Variants in ANKRD28 observed in about 807,000 individuals in gnomAD.
The protein encoded by ANKRD28 is serine/threonine-protein phosphatase 6 regulatory ankyrin repeat subunit A.
A neutral mutation model predicts 126.5 loss-of-function variants in ANKRD28; 44 were observed. The ratio of observed to expected loss-of-function variants is 0.35; its 90% confidence interval spans 0.27 to 0.45. The LOEUF is 0.45. Among genes scored for constraint, ANKRD28 ranks in the 20% least tolerant of loss-of-function variants. The pLI, the probability that ANKRD28 is intolerant of heterozygous loss-of-function variation, is 1.00. For synonymous variants in ANKRD28, 442 were observed against 468.5 expected (o/e 0.94, Z 0.73); for missense variants, 1,110 against 1,316.6 (o/e 0.84, Z 2.43).
chr3:15,680,309 AT>A (rs769669964), intron 21 of ANKRD28, among the ~76,000 whole-genome samples: 3 of 151,894 alleles, frequency 2.0e-5, no homozygotes, highest in Non-Finnish European at 4.4e-5. Context: ...GGTTCAAGTG[AT>A]TCTCCTGTCT....
chr3:15,834,080 T>A (rs1446855043), intron 1 of ANKRD28, among the ~76,000 whole-genome samples: 4 of 152,188 alleles, frequency 2.6e-5, no homozygotes, highest in East Asian at 1.9e-4. Flanking sequence ...AAAGCTTTTT[T>A]AAAATTGTCT....
At chr3:15,813,047 CTTT>C (rs34610698) in intron 1 of ANKRD28, among the ~76,000 whole-genome samples, 16 of 137,480 alleles carry the variant, frequency 1.2e-4, no homozygotes, top group African/African-American at 2.4e-4. Flanking sequence ...TAATCACCTC[CTTT>C]TTTTTTTTTT....
At chr3:15,824,625 G>A (rs1053140289) in intron 1 of ANKRD28, among the ~76,000 whole-genome samples, 1 of 152,164 alleles carries the variant, frequency 6.6e-6, no homozygotes, top group African/African-American at 2.4e-5. Context: ...ATAAAACTTA[G>A]GAAAAAATTA....
In ANKRD28 at chr3:15,739,250, G is replaced by A. The variant is rs533152407; in HGVS notation, c.352-2017C>T. On this transcript the variant is annotated intron_variant, in intron 4 of 27. Coordinates refer to ENST00000683139, the MANE Select transcript of ANKRD28 (RefSeq NM_001349278.2). Reference sequence around the variant, plus strand: ...TAGGAAATCACAAGAATAATGACTGGGGAAGTGATGTGTCCATGAAATCTT... The same window carrying A: ...TAGGAAATCACAAGAATAATGACTGAGGAAGTGATGTGTCCATGAAATCTT... 2.6e-5 allele frequency among the ~76,000 whole-genome samples: 4 copies of A among 152,284 alleles called. No homozygotes were observed. In the South Asian group the frequency reaches 8.3e-4, roughly 32 times the overall value.
chr3:15,831,717 A>G (rs1459371913), intron 1 of ANKRD28, among the ~76,000 whole-genome samples: 2 of 152,202 alleles, frequency 1.3e-5, no homozygotes, highest in African/African-American at 4.8e-5. Flanking sequence ...TAATTATTTG[A>G]TGATGGAAAG....
chr3:15,709,750 A>G lies in ANKRD28; in HGVS notation c.1338-14T>C. The G allele has an allele frequency of 6.5e-7, 1 of 1,530,766 alleles. No individual in the cohort carries two copies. The highest frequency in any genetic ancestry group is 1.2e-5 in the South Asian group (1 of 80,686). The allele number at this position is 1,530,766 out of a possible 1,614,324, so 94.8% of individuals were successfully genotyped here. On this transcript the variant is annotated splice_polypyrimidine_tract_variant and intron_variant, in intron 12 of 27. Transcript: ENST00000683139. ...CACTCCAAATTCCTATTGAGAGAAA[A>G]TACAGTTAGAAAACTTAATTGACAG...
Position 15,690,097 on chromosome 3 carries a change from C to T in ANKRD28, c.1885G>A (p.Val629Met). 1.2e-6 allele frequency: 2 copies of T among 1,612,280 alleles called. No homozygotes were observed. The highest frequency in any genetic ancestry group is 8.5e-7 in the Non-Finnish European group (1 of 1,179,128). Residue 629 changes from valine to methionine, a missense_variant, in exon 18 of 28, where the codon GTG (valine) becomes ATG (methionine). By Grantham distance (21) the Val-to-Met change is conservative (BLOSUM62 1). Coordinates refer to ENST00000683139, the MANE Select transcript of ANKRD28 (RefSeq NM_001349278.2). Reference protein sequence around the residue: ...LAAFKGHVECVDVLINQGASI... With the variant: ...LAAFKGHVECMDVLINQGASI... ...GCTCCCTGATTAATGAGTACATCCACACATTCAACATGGCCCTTAAAAGCT... is the reference window on the plus strand; with the variant it reads ...GCTCCCTGATTAATGAGTACATCCATACATTCAACATGGCCCTTAAAAGCT...
intron 1 of ANKRD28, among the ~76,000 whole-genome samples, chr3:15,841,788 G>A (rs960899751): frequency 6.6e-6 from 1 of 152,142 alleles, no homozygotes; most frequent in Non-Finnish European, 1.5e-5. Flanking sequence ...AAGTGCTGGA[G>A]AGGATGTGGA....
Position 15,815,352 on chromosome 3 carries a change from G to A in ANKRD28, c.28-20046C>T, listed in dbSNP as rs1206701682. 2.6e-5 allele frequency among the ~76,000 whole-genome samples: 4 copies of A among 152,146 alleles called. No homozygotes were observed. The highest frequency in any genetic ancestry group is 9.7e-5 in the African/African-American group (4 of 41,420). On this transcript the variant is annotated intron_variant, in intron 1 of 27. Transcript: ENST00000399451. This position sits in a 1 kb window ranked among gnomAD's most constrained non-coding sequence, Gnocchi z 4.1. ...GACAAAATTTTGCCCTGTCACCCAG[G>A]TTGGAGTACAGTGGCCCAAATGTAG...
At chr3:15,711,720 TCTGTCTCCTAGG>T (rs1287702484) in intron 11 of ANKRD28, among the ~76,000 whole-genome samples, 1 of 151,890 alleles carries the variant, frequency 6.6e-6, no homozygotes, top group African/African-American at 2.4e-5. Flanking sequence ...AGAGTCTCGC[TCTGTCTCCTAGG>T]CTAGTGTGCA....
chr3:15,834,464 T>C (rs2061278369), intron 1 of ANKRD28, among the ~76,000 whole-genome samples: 1 of 152,190 alleles, frequency 6.6e-6, no homozygotes, highest in African/African-American at 2.4e-5. Context: ...TCTTGCAGTA[T>C]ATTTTGAAGT....
At chr3:15,717,636 T>C (rs902932813) in intron 8 of ANKRD28, among the ~76,000 whole-genome samples, 11 of 152,104 alleles carry the variant, frequency 7.2e-5, no homozygotes, top group African/African-American at 2.7e-4. Flanking sequence ...CTTCACAGTA[T>C]TTTTTTAGGT....
chr3:15,736,047 G>A (rs1351819968), intron 5 of ANKRD28, among the ~76,000 whole-genome samples: 3 of 152,182 alleles, frequency 2.0e-5, no homozygotes, highest in Non-Finnish European at 4.4e-5. Context: ...CTTAACTGCA[G>A]TAGAGGCAAG....
rs748323532 is a variant in ANKRD28, at chr3:15,669,896, T to G, written c.*374A>C. ...AAACTTTTATTGCCTTTAAATTTAG[T>G]TGTAATTTTATTGATAAAATTTAAA... On this transcript the variant is annotated 3_prime_UTR_variant, in exon 28 of 28. Coordinates refer to ENST00000683139, the MANE Select transcript of ANKRD28 (RefSeq NM_001349278.2). 1.8e-5 allele frequency: 3 copies of G among 168,604 alleles called. No individual in the cohort carries two copies. Among genetic ancestry groups the G allele is most frequent in the Non-Finnish European group, 3.9e-5 (3 of 77,738 alleles). 10.4% of individuals were successfully genotyped at this position (168,604 alleles called of 1,614,324 possible).
intron 21 of ANKRD28, among the ~76,000 whole-genome samples, chr3:15,681,512 T>G (rs913134388): frequency 6.6e-6 from 1 of 152,250 alleles, no homozygotes; most frequent in African/African-American, 2.4e-5. Flanking sequence ...TTTATTTCAT[T>G]AGTCATTTGG....
At chr3:15,682,372 T>C (rs1409038302) in intron 21 of ANKRD28, among the ~76,000 whole-genome samples, 3 of 152,112 alleles carry the variant, frequency 2.0e-5, no homozygotes, top group African/African-American at 4.8e-5. Context: ...AAGGGAACAG[T>C]GGGGCCCCTT....
intron 1 of ANKRD28, among the ~76,000 whole-genome samples, chr3:15,855,999 T>A (rs184075832): frequency 1.3e-5 from 2 of 152,222 alleles, no homozygotes; most frequent in Non-Finnish European, 2.9e-5. Context: ...GAAAACTGTA[T>A]TTAACGGGAA....
intron 2 of ANKRD28, among the ~76,000 whole-genome samples, chr3:15,782,523 ATC>A (rs1208413207): frequency 6.6e-6 from 1 of 152,138 alleles, no homozygotes; most frequent in East Asian, 1.9e-4. Flanking sequence ...GAAAGGGTCA[ATC>A]CTTCAAGAGG....
chr3:15,749,363 C>A (rs189779439), intron 4 of ANKRD28, among the ~76,000 whole-genome samples: 1 of 151,936 alleles, frequency 6.6e-6, no homozygotes, highest in African/African-American at 2.4e-5. Flanking sequence ...CCACCCGCCT[C>A]GGCCTCCCAA....
Sources: allele counts gnomAD v4.1 joint callset (sites outside exome capture counted in the v4.1 genomes callset), GRCh38; gene constraint gnomAD v4.1.1; non-coding constraint Gnocchi (gnomAD v3.1); transcripts MANE v1.5; gene names NCBI Gene and HGNC (gene_info 2026-07-23, HGNC 2026-07-21).